The following PIP5K1B variants were observed in gnomAD, a reference collection of about 807,000 sequenced individuals.
PIP5K1B encodes phosphatidylinositol-4-phosphate 5-kinase type 1 beta.
PIP5K1B carries 42 observed loss-of-function variants against 67.0 expected under a neutral mutation model. That is an observed-to-expected ratio of 0.63 (90% confidence interval 0.49 to 0.81). The LOEUF (loss-of-function observed/expected upper bound fraction) is 0.81. Among genes scored for constraint, PIP5K1B ranks in the 30% least tolerant of loss-of-function variants. The pLI is 0.00. For synonymous variants in PIP5K1B, 214 were observed against 231.4 expected, an observed-to-expected ratio of 0.92 and a Z score of 0.68; for missense variants, 459 against 646.3, an observed-to-expected ratio of 0.71 and a Z score of 3.14.
chr9:68,963,430 G>A (rs879636247), intron 14 of PIP5K1B: 1 of 279,020 alleles, frequency 3.6e-6, no homozygotes, highest in Non-Finnish European at 7.2e-6. Context: ...TTGAACCCAG[G>A]AGGTGGAGGT....
At chr9:68,930,580 G>T (rs1376561240) in intron 12 of PIP5K1B, among the ~76,000 whole-genome samples, 2 of 151,824 alleles carry the variant, frequency 1.3e-5, no homozygotes, top group African/African-American at 4.8e-5. Flanking sequence ...GTGTTTTTTG[G>T]TTTGCAGGTT....
At chr9:68,805,279 A>C (rs1832810847) in intron 2 of PIP5K1B, among the ~76,000 whole-genome samples, 1 of 152,198 alleles carries the variant, frequency 6.6e-6, no homozygotes, top group Non-Finnish European at 1.5e-5. Context: ...AGGAGCGGCC[A>C]GAGATGAGGG....
intron 2 of PIP5K1B, among the ~76,000 whole-genome samples, chr9:68,760,267 A>T (rs1830124348): frequency 6.6e-6 from 1 of 152,108 alleles, no homozygotes; most frequent in Non-Finnish European, 1.5e-5. Context: ...TACTCTAGTT[A>T]ATCAGAACTA....
chr9:68,746,610 G>A (rs1829323492), intron 2 of PIP5K1B, among the ~76,000 whole-genome samples: 1 of 152,156 alleles, frequency 6.6e-6, no homozygotes, highest in Non-Finnish European at 1.5e-5. Context: ...TTAGCTGTGA[G>A]ATAACCTAAG....
chr9:68,735,319 T>TTTTTTTTTTTG, intron 1 of PIP5K1B, among the ~76,000 whole-genome samples: 1 of 124,052 alleles, frequency 8.1e-6, no homozygotes, highest in Non-Finnish European at 1.7e-5. Context: ...CTAGTGTCTT[T>TTTTTTTTTTTG]TTTTTTTTTT....
chr9:68,714,222 A>G (rs531799285), intron 1 of PIP5K1B, among the ~76,000 whole-genome samples: 167 of 152,334 alleles, frequency 1.1e-3, no homozygotes, highest in African/African-American at 3.9e-3. Flanking sequence ...AACCAGAATC[A>G]TGATCTGTTT....
In PIP5K1B at chr9:68,990,283, G is replaced by T. The variant is rs556139846; in HGVS notation, c.1503-857G>T. The stretch of plus-strand genomic sequence containing the variant: ...ATGCAAATCCATGGGCTCTATGCCA[G>T]ACTCTGGCTCAGAAGCTTTGTGGGA... On this transcript the variant is annotated intron_variant, in intron 14 of 15. Coordinates refer to ENST00000265382, the MANE Select transcript of PIP5K1B (RefSeq NM_003558.4). Among the ~76,000 whole-genome samples the T allele has an allele frequency of 1.1e-4, 17 of 152,212 alleles. No individual in the cohort carries two copies. In the South Asian group the frequency reaches 3.5e-3, roughly 32 times the overall value.
chr9:68,938,776 C>G (rs1827405756), intron 13 of PIP5K1B, among the ~76,000 whole-genome samples: 1 of 152,144 alleles, frequency 6.6e-6, no homozygotes, highest in African/African-American at 2.4e-5. Flanking sequence ...TCTTTGCTGT[C>G]TGACAGCCAA....
At chr9:68,974,031 C>A (rs576861933) in intron 14 of PIP5K1B, among the ~76,000 whole-genome samples, 16 of 152,314 alleles carry the variant, frequency 1.1e-4, no homozygotes, top group African/African-American at 3.6e-4. Context: ...GCGTGTGCCA[C>A]CATGCCTGGC....
rs1276916962 is a variant in PIP5K1B at position 68,705,601 on chromosome 9, C to CCCGCCCGCCGCCCCCT, written c.-397_-382dup. On this transcript the variant is annotated 5_prime_UTR_variant, in exon 1 of 16. Coordinates refer to ENST00000265382, the MANE Select transcript of PIP5K1B (RefSeq NM_003558.4). ...CCTCAGCGTTGCCCCCGGCCCCGGC[C>CCCGCCCGCCGCCCCCT]CCGCCCGCCGCCCCCTCCGCCCTCC... 3 of 133,258 alleles carry CCCGCCCGCCGCCCCCT rather than the reference C, an allele frequency of 2.3e-5. No homozygotes were observed. Among genetic ancestry groups the CCCGCCCGCCGCCCCCT allele is most frequent in the South Asian group, 5.5e-4 (2 of 3,608 alleles). 8.3% of individuals were successfully genotyped at this position (133,258 alleles called of 1,614,324 possible).
intron 1 of PIP5K1B, among the ~76,000 whole-genome samples, chr9:68,729,393 T>C (rs1300550295): frequency 1.3e-5 from 2 of 152,172 alleles, no homozygotes; most frequent in East Asian, 3.8e-4. Context: ...CATATCTTGG[T>C]TCATTTCTGG....
intron 11 of PIP5K1B, among the ~76,000 whole-genome samples, chr9:68,922,237 G>A (rs1419134811): frequency 1.3e-5 from 2 of 152,076 alleles, no homozygotes; most frequent in African/African-American, 4.8e-5. Flanking sequence ...GGCCGAGGAG[G>A]GCAGATCACT....
At chr9:68,878,762 C>T (rs1824025228) in intron 6 of PIP5K1B, among the ~76,000 whole-genome samples, 1 of 152,152 alleles carries the variant, frequency 6.6e-6, no homozygotes, top group African/African-American at 2.4e-5. Context: ...ACATGAAATA[C>T]TCTAGGGTTG....
At chr9:68,746,261 T>C (rs546359510) in intron 2 of PIP5K1B, among the ~76,000 whole-genome samples, 22 of 152,074 alleles carry the variant, frequency 1.4e-4, no homozygotes, top group African/African-American at 4.3e-4. Flanking sequence ...GTATTTTTAG[T>C]AGAGACTGGG....
chr9:68,871,081 C>T (rs1823603583), intron 5 of PIP5K1B, among the ~76,000 whole-genome samples: 1 of 152,186 alleles, frequency 6.6e-6, no homozygotes, highest in African/African-American at 2.4e-5. Context: ...GGCTCTAAAA[C>T]CCCATAAACA....
At chr9:68,937,148 C>A (rs1000945336) in intron 13 of PIP5K1B, among the ~76,000 whole-genome samples, 1 of 152,052 alleles carries the variant, frequency 6.6e-6, no homozygotes, top group African/African-American at 2.4e-5. Context: ...GAGGATTCCC[C>A]CTTTTTCTAT....
chr9:68,987,535 C>A (rs1157406669), intron 14 of PIP5K1B, among the ~76,000 whole-genome samples: 1 of 152,174 alleles, frequency 6.6e-6, no homozygotes, highest in Non-Finnish European at 1.5e-5. Context: ...GCACTCTAGC[C>A]TGGGCAACAG....
intron 15 of PIP5K1B, among the ~76,000 whole-genome samples, chr9:68,996,900 C>T (rs1274624466): frequency 6.6e-6 from 1 of 152,258 alleles, no homozygotes; most frequent in South Asian, 2.1e-4. Context: ...CAAGGTTATG[C>T]CCTTACACTT....
intron 5 of PIP5K1B, among the ~76,000 whole-genome samples, chr9:68,869,364 C>G (rs1823515407): frequency 6.6e-6 from 1 of 152,180 alleles, no homozygotes; most frequent in African/African-American, 2.4e-5. Context: ...GCCCGATGAT[C>G]TGAGATGGAA....
Sources: allele counts gnomAD v4.1 joint callset (sites outside exome capture counted in the v4.1 genomes callset), GRCh38; gene constraint gnomAD v4.1.1; transcripts MANE v1.5; gene names NCBI Gene and HGNC (gene_info 2026-07-23, HGNC 2026-07-21).